Variants in TBC1D19 observed in about 807,000 individuals in gnomAD.
TBC1D19 encodes the protein TBC1 domain family member 19.
A neutral mutation model predicts 89.0 loss-of-function variants in TBC1D19; 60 were observed. That is an observed-to-expected ratio of 0.67 (90% CI 0.55 to 0.84). The LOEUF is 0.84. TBC1D19 is among the 40% of genes least tolerant of loss of function. TBC1D19 has a pLI of 0.00. For missense variants in TBC1D19, 500 were observed against 610.8 expected, an observed-to-expected ratio of 0.82 and a Z score of 1.91; for synonymous variants, 189 against 199.7, an observed-to-expected ratio of 0.95 and a Z score of 0.45.
intron 8 of TBC1D19, among the ~76,000 whole-genome samples, chr4:26,660,584 G>T (rs1396182998): frequency 1.3e-5 from 2 of 152,160 alleles, no homozygotes; most frequent in African/African-American, 2.4e-5. Context: ...TCAACAGAAG[G>T]TTCTAGAGGG....
rs146636585 is a variant in TBC1D19 at position 26,660,784 on chromosome 4, C to G, written c.591+1077C>G. On this transcript the variant is annotated intron_variant, in intron 8 of 20. Transcript: ENST00000264866. ...CCTTTGTGTGGCAGCTACACTGCCC[C>G]TCTACAGAGGTATGAATCTCAGCAT... 2.8e-3 allele frequency among the ~76,000 whole-genome samples: 430 copies of G among 152,332 alleles called. 3 individuals are homozygous for G. The highest frequency in any genetic ancestry group is 0.028 in the East Asian group (143 of 5,178).
chr4:26,626,431 G>C (rs1304603685), intron 4 of TBC1D19, among the ~76,000 whole-genome samples: 4 of 152,028 alleles, frequency 2.6e-5, no homozygotes, highest in Non-Finnish European at 5.9e-5. Context: ...TGTATCCTAG[G>C]TAATATTCTA....
the TBC1D19 span, among the ~76,000 whole-genome samples, chr4:26,788,137 G>A: frequency 6.6e-6 from 1 of 152,050 alleles, no homozygotes; most frequent in South Asian, 2.1e-4. Context: ...TGATTTTCAC[G>A]GCATGGTTCC....
chr4:26,659,577 T>G lies in TBC1D19; in HGVS notation c.481-20T>G. ...ATCCTGGAAAGAAACTAACCAATTT[T>G]GTTGGATTTGTTTTTAAAGGTATTA... On this transcript the variant is annotated intron_variant, in intron 7 of 20. Transcript: ENST00000264866. 6.6e-7 allele frequency: 1 copy of G among 1,509,128 alleles called. No individual in the cohort carries two copies. Among genetic ancestry groups the G allele is most frequent in the South Asian group, 1.2e-5 (1 of 83,622 alleles). The allele number at this position is 1,509,128 out of a possible 1,614,324, so 93.5% of individuals were successfully genotyped here. A position where few individuals can be genotyped will look rare whatever the true frequency, so the allele number is the denominator to read the frequency against.
At chr4:26,695,695 G>C (rs1017811957) in intron 13 of TBC1D19, among the ~76,000 whole-genome samples, 1 of 152,186 alleles carries the variant, frequency 6.6e-6, no homozygotes, top group Non-Finnish European at 1.5e-5. Flanking sequence ...GGGAGTGGGG[G>C]CCAATATTCA....
At chr4:26,618,554 T>A (rs1045589372) in intron 3 of TBC1D19, among the ~76,000 whole-genome samples, 21 of 152,180 alleles carry the variant, frequency 1.4e-4, no homozygotes, top group African/African-American at 4.6e-4. Context: ...TCTTAAGACT[T>A]TGTAGACTGG....
intron 11 of TBC1D19, among the ~76,000 whole-genome samples, chr4:26,682,742 T>A (rs897366052): frequency 6.6e-6 from 1 of 152,144 alleles, no homozygotes; most frequent in Non-Finnish European, 1.5e-5. Flanking sequence ...ACCTTCATCC[T>A]TAATGCCCTG....
rs1202829217 is a variant in TBC1D19, at chr4:26,645,630, G to A, written c.480+5443G>A. 3.9e-5 allele frequency among the ~76,000 whole-genome samples: 6 copies of A among 152,194 alleles called. No homozygotes were observed. In the South Asian group the frequency reaches 1.2e-3, roughly 32 times the overall value. On this transcript the variant is annotated intron_variant, in intron 7 of 20. Transcript: ENST00000264866. ...CACGTCTAAAACACCAAAAGCAATG[G>A]CAACAAAAGCCAAAATTGACAAATG...
At position 26,753,824 on chromosome 4, in the gene TBC1D19, G is replaced by A; in HGVS notation, c.1440G>A (p.Leu480=). The change falls in exon 20 of 21, where the codon CTG becomes CTA. Residue 480 remains leucine, a synonymous_variant. Transcript: ENST00000264866. Reference sequence around the variant, plus strand: ...GTAGTGTGCATTCTTTTCCAGTGCTGGCAGCTGCCGTGTTTGCTTTCCGAG... The same window carrying A: ...GTAGTGTGCATTCTTTTCCAGTGCTAGCAGCTGCCGTGTTTGCTTTCCGAG... ...GYNSLEILAV[L]AAAVFAFRAV... is the part of the protein sequence containing the mutation. 6.2e-7 allele frequency: 1 copy of A among 1,613,928 alleles called. No homozygotes were observed. Among genetic ancestry groups the A allele is most frequent in the Non-Finnish European group, 8.5e-7 (1 of 1,179,858 alleles).
At chr4:26,591,280 T>A (rs1739784570) in intron 1 of TBC1D19, among the ~76,000 whole-genome samples, 1 of 152,140 alleles carries the variant, frequency 6.6e-6, no homozygotes, top group Admixed American at 6.5e-5. Flanking sequence ...TACCACAGTT[T>A]GTTTATGCAT....
At chr4:26,579,609 G>A (rs937265953), upstream of TBC1D19, among the ~76,000 whole-genome samples, 3 of 151,666 alleles carry the variant, frequency 2.0e-5, no homozygotes, top group South Asian at 2.1e-4. Context: ...CATCATCTAC[G>A]TTTTAAGCCC....
intron 13 of TBC1D19, among the ~76,000 whole-genome samples, chr4:26,696,491 C>T (rs1248676963): frequency 1.2e-4 from 18 of 152,210 alleles, no homozygotes; most frequent in Admixed American, 1.2e-3. Flanking sequence ...TTGAACTCAG[C>T]TCTGCATCAA....
At position 26,589,215 on chromosome 4, in the gene TBC1D19, C is replaced by T. The variant is rs551734672; in HGVS notation, c.99+4923C>T. On this transcript the variant is annotated intron_variant, in intron 1 of 20. Transcript: ENST00000264866. ...GCTTGAACCCGGGAGGTGGAGGTTG[C>T]AGCGAGCCAAGATCGTGCCACTGCC... Among the ~76,000 whole-genome samples, 122 of 152,090 alleles carry T rather than the reference C, an allele frequency of 8.0e-4. 1 individual carries two copies. Among genetic ancestry groups the T allele is most frequent in the Non-Finnish European group, 1.4e-3 (95 of 68,014 alleles).
intron 4 of TBC1D19, among the ~76,000 whole-genome samples, 170 bp from the exon 5 acceptor site, chr4:26,637,041 T>A (rs1743178850): frequency 6.6e-6 from 1 of 152,158 alleles, no homozygotes; most frequent in Non-Finnish European, 1.5e-5. Context: ...CAAAGGATAG[T>A]ATCTGGCATA....
At chr4:26,746,287 G>A (rs925703288) in intron 18 of TBC1D19, among the ~76,000 whole-genome samples, 1 of 148,372 alleles carries the variant, frequency 6.7e-6, no homozygotes, top group Non-Finnish European at 1.5e-5. Flanking sequence ...GCTCAGGCTG[G>A]TCTCAAACTC....
chr4:26,683,587 T>C lies in TBC1D19; in HGVS notation c.817-88T>C, dbSNP rs1295681271. ...AACACTGAGTTCCTGCCCTTCTTAG[T>C]GTTTAGAATACTATTATTATTTGAG... On this transcript the variant is annotated intron_variant, in intron 11 of 20. Coordinates refer to ENST00000264866, the MANE Select transcript of TBC1D19 (RefSeq NM_018317.4). 4.0e-6 allele frequency: 4 copies of C among 1,010,048 alleles called. No homozygotes were observed. The Admixed American group carries it at 6.2e-5, about 16-fold the overall frequency. 62.6% of individuals were successfully genotyped at this position (1,010,048 alleles called of 1,614,324 possible).
intron 13 of TBC1D19, among the ~76,000 whole-genome samples, chr4:26,692,637 C>T (rs553192970): frequency 6.6e-6 from 1 of 152,238 alleles, no homozygotes; most frequent in African/African-American, 2.4e-5. Context: ...AAGTTCCAAC[C>T]TAATGGGTCT....
chr4:26,609,750 A>G (rs745748957), intron 1 of TBC1D19, among the ~76,000 whole-genome samples: 2 of 152,134 alleles, frequency 1.3e-5, no homozygotes, highest in Non-Finnish European at 2.9e-5. Flanking sequence ...GGAAAGACTT[A>G]TGTTTTAGGA....
Position 26,720,119 on chromosome 4 carries a change from C to A in TBC1D19, c.1078C>A (p.Pro360Thr). 1 of 1,601,176 alleles carries A rather than the reference C, an allele frequency of 6.2e-7. No homozygotes were observed. Among genetic ancestry groups the A allele is most frequent in the Non-Finnish European group, 8.5e-7 (1 of 1,173,570 alleles). Residue 360 changes from proline to threonine, a missense_variant, in exon 15 of 21, where the codon CCA becomes ACA. By Grantham distance (38) the Pro-to-Thr change is conservative (BLOSUM62 -1). Transcript: ENST00000264866. ...GLEEYAVFYPPNGVIPFHGFS... is the reference protein window; with the variant it reads ...GLEEYAVFYPTNGVIPFHGFS... ...GGAAGAATATGCTGTCTTTTACCCA[C>A]CAAATGGTAAGAGTAATGCTATTGC... is the stretch of plus-strand genomic sequence containing the variant.
Sources: allele counts gnomAD v4.1 joint callset (sites outside exome capture counted in the v4.1 genomes callset), GRCh38; gene constraint gnomAD v4.1.1; transcripts MANE v1.5; gene names NCBI Gene and HGNC (gene_info 2026-07-23, HGNC 2026-07-21).